Variants in TRAPPC9 observed in about 807,000 individuals in gnomAD.
TRAPPC9 encodes trafficking protein particle complex subunit 9.
A neutral mutation model predicts 124.0 loss-of-function variants in TRAPPC9; 83 were observed. That is an observed-to-expected ratio of 0.67 (90% CI 0.56 to 0.80). The LOEUF (loss-of-function observed/expected upper bound fraction) is 0.80. Ranked by LOEUF, TRAPPC9 falls within the 30% of genes least tolerant of loss-of-function variation. The probability of loss-of-function intolerance (pLI) is 0.00; values close to 1 mark genes in which losing one functional copy is unlikely to be tolerated. For missense variants in TRAPPC9, 1,302 were observed against 1,508.3 expected (o/e 0.86, Z 2.27); for synonymous variants, 638 against 617.5 (o/e 1.03, Z -0.49).
chr8:140,439,405 A>C (rs2070931764), intron 2 of TRAPPC9, among the ~76,000 whole-genome samples: 1 of 152,214 alleles, frequency 6.6e-6, no homozygotes, highest in East Asian at 1.9e-4. Context: ...AATTTGTTTA[A>C]AGGTGATCGG....
Position 140,138,256 on chromosome 8 carries a change from T to A in TRAPPC9, c.2556+83203A>T, listed in dbSNP as rs556976658. Reference sequence around the variant, plus strand: ...GGCGGAGGTTGCAGTGAGCCAAGATTGCACCACTGCACTCCAGCCTGGGCG... The same window carrying A: ...GGCGGAGGTTGCAGTGAGCCAAGATAGCACCACTGCACTCCAGCCTGGGCG... On this transcript the variant is annotated intron_variant, in intron 17 of 22. Coordinates refer to ENST00000438773, the MANE Select transcript of TRAPPC9 (RefSeq NM_001160372.4). 7.0e-4 allele frequency among the ~76,000 whole-genome samples: 107 copies of A among 152,258 alleles called. 1 individual carries two copies. The highest frequency in any genetic ancestry group is 1.3e-3 in the Non-Finnish European group (87 of 68,018).
At chr8:140,272,074 T>TGGC (rs2064912363) in intron 15 of TRAPPC9, among the ~76,000 whole-genome samples, 1 of 88,488 alleles carries the variant, frequency 1.1e-5, no homozygotes, top group Non-Finnish European at 2.3e-5. Flanking sequence ...ATGGTGATGA[T>TGGC]GGTGGTGGTT....
intron 19 of TRAPPC9, among the ~76,000 whole-genome samples, chr8:139,919,880 C>T (rs893601021): frequency 4.6e-5 from 7 of 152,204 alleles, no homozygotes; most frequent in Non-Finnish European, 1.0e-4. Context: ...CTTCATGACC[C>T]GCTCAGACTC....
intron 9 of TRAPPC9, among the ~76,000 whole-genome samples, chr8:140,335,948 T>C (rs1175778383): frequency 1.6e-4 from 24 of 152,076 alleles, no homozygotes; most frequent in Admixed American, 1.4e-3. Flanking sequence ...CCTCAAGTGG[T>C]AGGCCCGCCT....
intron 17 of TRAPPC9, among the ~76,000 whole-genome samples, chr8:140,152,414 G>A (rs1262428538): frequency 7.2e-6 from 1 of 138,754 alleles, no homozygotes; most frequent in Non-Finnish European, 1.5e-5. Flanking sequence ...AGGCTGGAGT[G>A]CAGTGGTGCG....
chr8:139,942,767 T>C (rs1472256428), intron 19 of TRAPPC9, among the ~76,000 whole-genome samples: 1 of 152,174 alleles, frequency 6.6e-6, no homozygotes, highest in African/African-American at 2.4e-5. Context: ...CTTTATGACT[T>C]CTTGTCTGAG....
intron 17 of TRAPPC9, among the ~76,000 whole-genome samples, chr8:140,117,518 C>G (rs1335447753): frequency 1.3e-5 from 2 of 152,096 alleles, no homozygotes; most frequent in Admixed American, 1.3e-4. Context: ...GACAGAAGGG[C>G]CAAGAGAGCC....
At chr8:140,359,550 G>T (rs1390946149) in intron 9 of TRAPPC9, among the ~76,000 whole-genome samples, 1 of 152,130 alleles carries the variant, frequency 6.6e-6, no homozygotes, top group Non-Finnish European at 1.5e-5. Context: ...GTTCTGGAAG[G>T]GGGGATGGAG....
intron 19 of TRAPPC9, among the ~76,000 whole-genome samples, chr8:139,977,752 C>T (rs575542309): frequency 6.6e-6 from 1 of 151,968 alleles, no homozygotes; most frequent in African/African-American, 2.4e-5. Context: ...GCGATCTCAG[C>T]TCACTGTAGC....
At chr8:139,930,633 A>G (rs1195814865) in intron 19 of TRAPPC9, among the ~76,000 whole-genome samples, 1 of 152,220 alleles carries the variant, frequency 6.6e-6, no homozygotes, top group Non-Finnish European at 1.5e-5. Context: ...GTCAAATACA[A>G]TAAGGAGCAT....
At chr8:140,329,418 C>T (rs1252080098) in intron 9 of TRAPPC9, among the ~76,000 whole-genome samples, 4 of 152,200 alleles carry the variant, frequency 2.6e-5, no homozygotes, top group African/African-American at 9.7e-5. Context: ...AAAGCGATGG[C>T]TCGTCTCCTA....
intron 17 of TRAPPC9, among the ~76,000 whole-genome samples, chr8:140,033,668 T>TTTTTTTTTGTTTTTTTG: frequency 1.4e-5 from 1 of 71,150 alleles, no homozygotes; most frequent in African/African-American, 1.1e-4. Flanking sequence ...GTTTTTTTTT[T>TTTTTTTTTGTTTTTTTG]TTTTTTTTTT....
chr8:140,256,235 T>C (rs1209675074), intron 15 of TRAPPC9, among the ~76,000 whole-genome samples: 1 of 152,224 alleles, frequency 6.6e-6, no homozygotes, highest in Non-Finnish European at 1.5e-5. Flanking sequence ...TACTCACATA[T>C]ATGATTTATC....
At chr8:139,831,175 A>G (rs1825968444) in intron 21 of TRAPPC9, among the ~76,000 whole-genome samples, 1 of 152,114 alleles carries the variant, frequency 6.6e-6, no homozygotes. Flanking sequence ...TTCACACTCT[A>G]AGCTTCTTGT....
intron 9 of TRAPPC9, among the ~76,000 whole-genome samples, chr8:140,320,589 C>CCGGTTAT (rs1243603303): frequency 6.6e-6 from 1 of 152,208 alleles, no homozygotes; most frequent in African/African-American, 2.4e-5. Flanking sequence ...AATCCAGCAC[C>CCGGTTAT]CGGTTATCGG....
chr8:139,761,137 C>T (rs1820189964), intron 21 of TRAPPC9, among the ~76,000 whole-genome samples: 1 of 152,236 alleles, frequency 6.6e-6, no homozygotes. Flanking sequence ...CTGTTGTCTA[C>T]TTACTTCACA....
At chr8:139,785,537 AACACACACACACACACACACACAC>A in intron 21 of TRAPPC9, among the ~76,000 whole-genome samples, 1 of 138,302 alleles carries the variant, frequency 7.2e-6, no homozygotes, top group South Asian at 2.5e-4. Context: ...ATCTCTACTA[AACACACACACACACACACACACAC>A]ACACACACAC....
chr8:140,217,214 G>C (rs1321504610), intron 17 of TRAPPC9, among the ~76,000 whole-genome samples: 2 of 152,214 alleles, frequency 1.3e-5, no homozygotes, highest in Non-Finnish European at 2.9e-5. Flanking sequence ...GGGCTTAAGG[G>C]AGAGCGCCAC....
intron 9 of TRAPPC9, among the ~76,000 whole-genome samples, chr8:140,357,881 C>T (rs1026593322): frequency 2.6e-5 from 4 of 152,176 alleles, no homozygotes; most frequent in African/African-American, 7.2e-5. Context: ...AAAGCAACAG[C>T]GACCCAATAC....
Sources: allele counts gnomAD v4.1 joint callset (sites outside exome capture counted in the v4.1 genomes callset), GRCh38; gene constraint gnomAD v4.1.1; transcripts MANE v1.5; gene names NCBI Gene and HGNC (gene_info 2026-07-23, HGNC 2026-07-21).